Variants in NOTCH2 observed in about 807,000 individuals in gnomAD.
NOTCH2 encodes the protein neurogenic locus notch homolog protein 2.
A neutral mutation model predicts 235.8 loss-of-function variants in NOTCH2; 29 were observed. The ratio of observed to expected loss-of-function variants is 0.12; its 90% confidence interval spans 0.09 to 0.17. The LOEUF is 0.17. NOTCH2 is among the 10% of genes least tolerant of loss of function. The pLI is 1.00. For synonymous variants in NOTCH2, 1,086 were observed against 1,141.5 expected (o/e 0.95, Z 0.98); for missense variants, 2,285 against 3,150.2 (o/e 0.73, Z 6.57).
chr1:119,963,928 G>T, intron 10 of NOTCH2, 121 bp from the exon 11 acceptor site: 1 of 853,050 alleles, frequency 1.2e-6, no homozygotes, highest in Non-Finnish European at 2.0e-6. Context: ...AATACTGCAG[G>T]TCTTGAGCAG....
At chr1:120,028,915 T>A (rs1254164440) in intron 2 of NOTCH2, among the ~76,000 whole-genome samples, 3 of 151,938 alleles carry the variant, frequency 2.0e-5, no homozygotes, top group African/African-American at 4.8e-5. Flanking sequence ...GAAAAAAAAA[T>A]TATTTGCAGG....
intron 1 of NOTCH2, chr1:120,069,047 A>G: frequency 6.9e-7 from 1 of 1,442,650 alleles, no homozygotes; most frequent in East Asian, 2.7e-5. Flanking sequence ...TGGCACTACG[A>G]AAAAGGAGTT....
At chr1:119,954,526 A>G (rs1346806122) in intron 13 of NOTCH2, among the ~76,000 whole-genome samples, 1 of 152,186 alleles carries the variant, frequency 6.6e-6, no homozygotes, top group East Asian at 1.9e-4. Flanking sequence ...AGGTCACTCT[A>G]TGATTCTAGA....
At position 119,915,514 on chromosome 1, in the gene NOTCH2, C is replaced by A. The variant is rs750750102; in HGVS notation, c.7208G>T (p.Ser2403Ile). Residue 2403 changes from serine to isoleucine, a missense_variant, in exon 34 of 34, where the codon AGT becomes ATT. Coordinates refer to ENST00000256646, the MANE Select transcript of NOTCH2 (RefSeq NM_024408.4). Reference protein sequence around the residue: ...ASSNAAERTPSHSGHLQGEHP... With the variant: ...ASSNAAERTPIHSGHLQGEHP... ...CTCACCCTGGAGGTGACCACTGTGA[C>A]TGGGTGTTCGCTCAGCAGCATTTGA... The A allele has an allele frequency of 4.3e-6, 7 of 1,614,096 alleles. No individual in the cohort carries two copies. The highest frequency in any genetic ancestry group is 5.9e-6 in the Non-Finnish European group (7 of 1,180,026).
At position 119,925,672 on chromosome 1, in the gene NOTCH2, G is replaced by A. The variant is rs1649450571; in HGVS notation, c.4144C>T (p.Pro1382Ser). The change falls in exon 25 of 34, where the codon CCC becomes TCC. Residue 1382 changes from proline to serine, a missense_variant. Physicochemically the swap from Pro to Ser is moderately conservative, Grantham distance 74. Coordinates refer to ENST00000256646, the MANE Select transcript of NOTCH2 (RefSeq NM_024408.4). ...TGGCAGCTGCCCCCGTGCTGGCAGG[G>A]GCTACTGGCACAGCCTGACTCGCAG... The part of the protein sequence containing the change: ...RDCESGCASS[P>S]CQHGGSCHPQ... 6.2e-7 allele frequency: 1 copy of A among 1,612,354 alleles called. No homozygotes were observed. Among genetic ancestry groups the A allele is most frequent in the Admixed American group, 1.7e-5 (1 of 59,980 alleles).
chr1:119,947,545 T>C (rs979465149), intron 17 of NOTCH2, among the ~76,000 whole-genome samples: 1 of 152,232 alleles, frequency 6.6e-6, no homozygotes, highest in Admixed American at 6.5e-5. Flanking sequence ...AGAACTTTCA[T>C]ACAATTCTGG....
chr1:119,960,909 T>C (rs587651080), intron 11 of NOTCH2, among the ~76,000 whole-genome samples: 19 of 152,162 alleles, frequency 1.2e-4, no homozygotes, highest in Admixed American at 1.1e-3. Context: ...CAAGCAATCG[T>C]CCCACCTCGG....
intron 5 of NOTCH2, among the ~76,000 whole-genome samples, chr1:119,985,675 A>C (rs1402671740): frequency 6.6e-6 from 1 of 152,216 alleles, no homozygotes; most frequent in Non-Finnish European, 1.5e-5. Context: ...AGGATCATTA[A>C]AAAGAGAAAA....
At position 120,069,325 on chromosome 1, in the gene NOTCH2, G is replaced by C. The variant is rs1195353533; in HGVS notation, c.73+9C>G. On this transcript the variant is annotated intron_variant, in intron 1 of 33. Transcript: ENST00000256646. ...CGCCGCGGACAGCGCCCCTCAGCCC[G>C]ATACTCACCATGCGCGGGGGCCGCG... 6.4e-7 allele frequency: 1 copy of C among 1,564,944 alleles called. No individual in the cohort carries two copies. The highest frequency in any genetic ancestry group is 1.2e-5 in the South Asian group (1 of 86,956).
rs1267139815 is a variant in NOTCH2 at position 119,987,049 on chromosome 1, T to G, written c.785A>C (p.Asp262Ala). The G allele has an allele frequency of 6.2e-7, 1 of 1,613,696 alleles. No individual in the cohort carries two copies. The highest frequency in any genetic ancestry group is 8.5e-7 in the Non-Finnish European group (1 of 1,179,678). ...FEGSTCERNI[D>A]DCPNHRCQNG... is the part of the protein sequence containing the mutation. ...CTGACACCTGTGGTTAGGGCAGTCATCAATATTCCTCTCACAGGTGCTCCC... is the reference window on the plus strand; with the variant it reads ...CTGACACCTGTGGTTAGGGCAGTCAGCAATATTCCTCTCACAGGTGCTCCC... Residue 262 changes from aspartate (D) to alanine (A), a missense_variant, in exon 5 of 34, where the codon GAT becomes GCT. Transcript: ENST00000256646.
chr1:119,988,314 G>C (rs1200710162), intron 4 of NOTCH2, among the ~76,000 whole-genome samples: 6 of 152,128 alleles, frequency 3.9e-5, no homozygotes, highest in Admixed American at 3.3e-4. Flanking sequence ...TATAAACTGA[G>C]TGACCAAAAA....
intron 11 of NOTCH2, among the ~76,000 whole-genome samples, chr1:119,961,374 C>G (rs1650931225): frequency 6.6e-6 from 1 of 152,222 alleles, no homozygotes; most frequent in South Asian, 2.1e-4. Flanking sequence ...CACCCCCTCC[C>G]AATGAAGCCC....
At chr1:119,985,447 C>T (rs587636412) in intron 5 of NOTCH2, among the ~76,000 whole-genome samples, 1 of 152,256 alleles carries the variant, frequency 6.6e-6, no homozygotes, top group South Asian at 2.1e-4. Flanking sequence ...AATCATTTCA[C>T]TGGGGAAGTT....
In NOTCH2 at chr1:119,969,723, A is replaced by G; in HGVS notation, c.896T>C (p.Val299Ala). ...QWTGQFCTEDVDECLLQPNAC... is the reference protein window; with the variant it reads ...QWTGQFCTEDADECLLQPNAC... ...ATTGGGCTGCAGCAGGCATTCATCC[A>G]CATCCTCTGTGCAGAACTGTCCTTT... is the stretch of plus-strand genomic sequence containing the variant. Residue 299 changes from valine to alanine, a missense_variant, in exon 6 of 34, where the codon GTG becomes GCG. This residue lies in a region of NOTCH2 where 431 missense variants were observed against 757.8 expected (regional missense o/e 0.57). Transcript: ENST00000256646. 6.2e-7 allele frequency: 1 copy of G among 1,614,108 alleles called. No homozygotes were observed. Among genetic ancestry groups the G allele is most frequent in the Non-Finnish European group, 8.5e-7 (1 of 1,179,980 alleles).
At chr1:120,008,747 A>G (rs1553206531) in intron 2 of NOTCH2, among the ~76,000 whole-genome samples, 2 of 152,188 alleles carry the variant, frequency 1.3e-5, no homozygotes, top group African/African-American at 4.8e-5. Context: ...TCCACAAAGA[A>G]TATTAAACTT....
intron 5 of NOTCH2, among the ~76,000 whole-genome samples, chr1:119,978,696 C>T (rs1345377650): frequency 6.6e-6 from 1 of 152,128 alleles, no homozygotes; most frequent in Non-Finnish European, 1.5e-5. Context: ...AAGCTTTGGT[C>T]TCCTGCTAGG....
chr1:119,977,527 C>A (rs1456715151), intron 5 of NOTCH2, among the ~76,000 whole-genome samples: 1 of 152,186 alleles, frequency 6.6e-6, no homozygotes, highest in Non-Finnish European at 1.5e-5. Context: ...CTGCAGTCCT[C>A]CTCTTCTAAA....
intron 17 of NOTCH2, among the ~76,000 whole-genome samples, chr1:119,942,263 A>G (rs1482672301): frequency 6.6e-6 from 1 of 152,216 alleles, no homozygotes. Flanking sequence ...AAATTGAAAT[A>G]TCACATAGCT....
chr1:119,926,395 C>T, intron 24 of NOTCH2, 104 bp downstream of exon 24: 1 of 912,436 alleles, frequency 1.1e-6, no homozygotes. Flanking sequence ...ATTGAGAAAT[C>T]TTCCCATTTC....
Sources: allele counts gnomAD v4.1 joint callset (sites outside exome capture counted in the v4.1 genomes callset), GRCh38; gene constraint gnomAD v4.1.1; regional missense constraint gnomAD v4.1.1; transcripts MANE v1.5; gene names NCBI Gene and HGNC (gene_info 2026-07-23, HGNC 2026-07-21).